PPARGC1A: variants seen among roughly 807,000 people sequenced by gnomAD.
PPARGC1A encodes peroxisome proliferator-activated receptor gamma coactivator 1-alpha.
A neutral mutation model predicts 88.7 loss-of-function variants in PPARGC1A; 25 were observed. The ratio of observed to expected loss-of-function variants is 0.28; its 90% CI spans 0.21 to 0.39. The LOEUF (loss-of-function observed/expected upper bound fraction) is 0.39, where lower values mean the gene tolerates loss of function less well. PPARGC1A is among the 10% of genes least tolerant of loss of function. The probability of loss-of-function intolerance (pLI) is 1.00; values close to 1 mark genes in which losing one functional copy is unlikely to be tolerated. For synonymous variants in PPARGC1A, 363 were observed against 355.6 expected, an observed-to-expected ratio of 1.02 and a Z score of -0.24; for missense variants, 880 against 968.7, an observed-to-expected ratio of 0.91 and a Z score of 1.22.
At chr4:24,161,658 A>G in the PPARGC1A span, among the ~76,000 whole-genome samples, 2 of 152,288 alleles carry the variant, frequency 1.3e-5, no homozygotes, top group Non-Finnish European at 2.9e-5. Flanking sequence ...TTCATTGAAG[A>G]TAAAACGTAA....
the PPARGC1A span, among the ~76,000 whole-genome samples, chr4:24,044,953 A>C: frequency 3.3e-5 from 5 of 152,180 alleles, no homozygotes; most frequent in Non-Finnish European, 5.9e-5. Flanking sequence ...GAGCCTTTCC[A>C]CCCAGGCAAG....
chr4:24,147,132 T>C, the PPARGC1A span, among the ~76,000 whole-genome samples: 93 of 152,260 alleles, frequency 6.1e-4, no homozygotes, highest in African/African-American at 1.9e-3. Flanking sequence ...TGACACCAAC[T>C]GTCGCTCCTC....
At chr4:24,289,789 T>A in the PPARGC1A span, among the ~76,000 whole-genome samples, 1 of 152,140 alleles carries the variant, frequency 6.6e-6, no homozygotes, top group African/African-American at 2.4e-5. Flanking sequence ...CACTTCCAGC[T>A]TTTTTTAAAT....
At chr4:24,010,284 G>A in the PPARGC1A span, among the ~76,000 whole-genome samples, 1 of 152,086 alleles carries the variant, frequency 6.6e-6, no homozygotes, top group African/African-American at 2.4e-5. Flanking sequence ...CCAGTACCTA[G>A]AACACAATAG....
At chr4:23,812,989 G>A (rs748267526) in intron 9 of PPARGC1A, 32 bp downstream of exon 9, 1 of 1,611,906 alleles carries the variant, frequency 6.2e-7, no homozygotes, top group Non-Finnish European at 8.5e-7. Flanking sequence ...AGGGGATAAA[G>A]GGAGCTAAAG....
At chr4:24,033,148 A>G in the PPARGC1A span, among the ~76,000 whole-genome samples, 1 of 152,138 alleles carries the variant, frequency 6.6e-6, no homozygotes, top group Non-Finnish European at 1.5e-5. Flanking sequence ...CAGACTTCCT[A>G]GGTCTGTGTC....
the PPARGC1A span, among the ~76,000 whole-genome samples, chr4:24,452,141 C>T: frequency 1.3e-5 from 2 of 151,472 alleles, no homozygotes; most frequent in South Asian, 4.2e-4. Flanking sequence ...TGAAACTCTC[C>T]CCTGGATCTC....
the PPARGC1A span, among the ~76,000 whole-genome samples, chr4:24,034,306 A>T: frequency 1.3e-5 from 2 of 152,246 alleles, no homozygotes; most frequent in Admixed American, 6.5e-5. Context: ...ACATACATTA[A>T]ATGAAACTCA....
At chr4:24,346,449 A>G in the PPARGC1A span, among the ~76,000 whole-genome samples, 1 of 151,992 alleles carries the variant, frequency 6.6e-6, no homozygotes, top group Non-Finnish European at 1.5e-5. Context: ...TACCGTTTCA[A>G]TCTCGCTGCT....
the PPARGC1A span, among the ~76,000 whole-genome samples, chr4:24,329,525 G>T: frequency 6.6e-6 from 1 of 151,992 alleles, no homozygotes; most frequent in South Asian, 2.1e-4. Flanking sequence ...TGCTTGTGCT[G>T]CGCCCTCCCC....
chr4:23,898,455 A>T (rs1452379653), intron 1 of PPARGC1A, among the ~76,000 whole-genome samples: 2 of 152,190 alleles, frequency 1.3e-5, no homozygotes, highest in Non-Finnish European at 2.9e-5. Context: ...TAGGAGAGGG[A>T]GCACTGACAA....
chr4:23,910,323 TATTA>T, the PPARGC1A span, among the ~76,000 whole-genome samples: 99 of 53,280 alleles, frequency 1.9e-3, 2 homozygotes, highest in African/African-American at 5.7e-3. Flanking sequence ...ATATTATATA[TATTA>T]TATATTATAT....
chr4:24,310,920 A>G, the PPARGC1A span, among the ~76,000 whole-genome samples: 13 of 152,110 alleles, frequency 8.5e-5, no homozygotes. Context: ...AGCAACTATT[A>G]CAGCTTGACT....
the PPARGC1A span, among the ~76,000 whole-genome samples, chr4:24,243,119 C>T: frequency 2.0e-4 from 30 of 152,264 alleles, no homozygotes; most frequent in Non-Finnish European, 3.8e-4. Flanking sequence ...GTATCCCTAG[C>T]CCCCAGCAAA....
At chr4:24,082,851 T>G in the PPARGC1A span, among the ~76,000 whole-genome samples, 1 of 152,068 alleles carries the variant, frequency 6.6e-6, no homozygotes, top group Non-Finnish European at 1.5e-5. Flanking sequence ...GCCATGAATG[T>G]GGGATACAGG....
chr4:23,847,378 TCA>T (rs900818555), intron 2 of PPARGC1A, among the ~76,000 whole-genome samples: 1 of 152,158 alleles, frequency 6.6e-6, no homozygotes. Context: ...CTTTCCTGAG[TCA>T]CAGTTCTCTC....
the PPARGC1A span, among the ~76,000 whole-genome samples, chr4:24,056,601 C>G: frequency 6.6e-6 from 1 of 152,106 alleles, no homozygotes; most frequent in South Asian, 2.1e-4. Context: ...TAGAATGGCT[C>G]TAGAGTCAGA....
the PPARGC1A span, among the ~76,000 whole-genome samples, chr4:24,445,379 A>G: frequency 1.3e-5 from 2 of 152,256 alleles, no homozygotes; most frequent in East Asian, 1.9e-4. Flanking sequence ...CTGTGTGGAT[A>G]CAAAATCGAT....
At chr4:23,821,707 T>C (rs1723043035) in intron 7 of PPARGC1A, among the ~76,000 whole-genome samples, 1 of 152,094 alleles carries the variant, frequency 6.6e-6, no homozygotes, top group Non-Finnish European at 1.5e-5. Flanking sequence ...TTATCTCATT[T>C]AATCCTCACA....
Sources: gnomAD v4.1 joint callset for allele counts (sites outside exome capture counted in the v4.1 genomes callset) on GRCh38, gnomAD v4.1.1 for gene constraint, MANE v1.5 for transcripts, NCBI Gene and HGNC (gene_info 2026-07-23, HGNC 2026-07-21) for gene names.